AMD1: variants seen among roughly 807,000 people sequenced by gnomAD.
The protein encoded by AMD1 is adenosylmethionine decarboxylase 1.
A neutral mutation model predicts 40.2 loss-of-function variants in AMD1; 11 were observed. The observed-to-expected ratio is 0.27, with a 90% CI of 0.17 to 0.45. The LOEUF (loss-of-function observed/expected upper bound fraction) is 0.45. AMD1 is among the 20% of genes least tolerant of loss of function. The pLI, the probability that AMD1 is intolerant of heterozygous loss-of-function variation, is 1.00. For synonymous variants in AMD1, 121 were observed against 130.8 expected, an observed-to-expected ratio of 0.93 and a Z score of 0.51; for missense variants, 257 against 410.2, an observed-to-expected ratio of 0.63 and a Z score of 3.23.
chr6:110,879,297 C>G (rs908788677), intron 1 of AMD1, among the ~76,000 whole-genome samples: 1 of 152,130 alleles, frequency 6.6e-6, no homozygotes, highest in Non-Finnish European at 1.5e-5. Flanking sequence ...GAGGCTGCAG[C>G]GAAATGAGAT....
At chr6:110,857,114 A>T in the AMD1 span, among the ~76,000 whole-genome samples, 1 of 152,050 alleles carries the variant, frequency 6.6e-6, no homozygotes, top group Non-Finnish European at 1.5e-5. Flanking sequence ...CGGGGAGCAC[A>T]GATTGTTGCC....
At position 110,892,724 on chromosome 6, in the gene AMD1, T is replaced by TCCCC. The variant is rs34637914; in HGVS notation, c.616-6_616-3dup. ...AAACCCTTGTTAAACTCGGTCTTTT[T>TCCCC]CCCCCCCCAGGAGAGTGGAATTCGT... is the stretch of plus-strand genomic sequence containing the variant. On this transcript the variant is annotated splice_polypyrimidine_tract_variant and intron_variant, in intron 6 of 8. Transcript: ENST00000368885. 7 of 1,541,154 alleles carry TCCCC rather than the reference T, an allele frequency of 4.5e-6. No individual in the cohort carries two copies. The African/African-American group carries it at 9.6e-5, about 21-fold the overall frequency.
At chr6:110,875,437 A>T in intron 1 of AMD1, 1 of 514,912 alleles carries the variant, frequency 1.9e-6, no homozygotes, top group South Asian at 2.5e-5. Flanking sequence ...CGCGCCTGGC[A>T]TTGCCCTGGG....
the AMD1 span, among the ~76,000 whole-genome samples, chr6:110,841,457 C>T: frequency 3.3e-5 from 5 of 152,160 alleles, no homozygotes; most frequent in African/African-American, 1.2e-4. Context: ...TGTCCCAGCT[C>T]GCAGCCTATG....
chr6:110,883,558 A>C (rs976332472), intron 1 of AMD1, among the ~76,000 whole-genome samples: 8 of 152,202 alleles, frequency 5.3e-5, no homozygotes, highest in African/African-American at 1.4e-4. Flanking sequence ...AGTTAGGCAG[A>C]TGTCTAAAAC....
At chr6:110,825,329 T>C in the AMD1 span, among the ~76,000 whole-genome samples, 5 of 152,222 alleles carry the variant, frequency 3.3e-5, no homozygotes. Context: ...ATTGAAACCA[T>C]GGAAATCAAA....
chr6:110,858,954 T>C, the AMD1 span: 10 of 1,060,994 alleles, frequency 9.4e-6, no homozygotes, highest in Non-Finnish European at 1.5e-5. Context: ...GTGTGACAAC[T>C]CCTCCATGTC....
upstream of AMD1, among the ~76,000 whole-genome samples, chr6:110,872,912 A>G (rs1363442932): frequency 6.6e-6 from 1 of 152,250 alleles, no homozygotes; most frequent in Non-Finnish European, 1.5e-5. Flanking sequence ...GTGGTTTAGT[A>G]GGCAGATTCT....
At chr6:110,888,726 GTTACTTGCTTCCTTGAGA>G in intron 2 of AMD1, 113 bp from the exon 3 acceptor site, 2 of 848,954 alleles carry the variant, frequency 2.4e-6, no homozygotes, top group Non-Finnish European at 3.6e-6. Flanking sequence ...AGAATAATGT[GTTACTTGCTTCCTTGAGA>G]TCCTAATATT....
rs1049699 is a variant in AMD1 at position 110,890,311 on chromosome 6, C to T, written c.382C>T (p.Arg128Trp). 2.5e-6 allele frequency: 4 copies of T among 1,599,478 alleles called. No individual in the cohort carries two copies. Among genetic ancestry groups the T allele is most frequent in the Non-Finnish European group, 3.4e-6 (4 of 1,176,794 alleles). The change falls in exon 4 of 9, where the codon CGG becomes TGG. Residue 128 changes from arginine (R) to tryptophan (W), a missense_variant. Coordinates refer to ENST00000368885, the MANE Select transcript of AMD1 (RefSeq NM_001634.6). ...GCCTTCTCACCAAGGGTACCCACACCGGAATTTCCAGGAAGAAATAGAGTT... is the reference window on the plus strand; with the variant it reads ...GCCTTCTCACCAAGGGTACCCACACTGGAATTTCCAGGAAGAAATAGAGTT... ...MKPSHQGYPH[R>W]NFQEEIEFLN...
chr6:110,838,977 G>A, the AMD1 span, among the ~76,000 whole-genome samples: 2 of 152,172 alleles, frequency 1.3e-5, no homozygotes, highest in African/African-American at 4.8e-5. Flanking sequence ...ATGTCGGCCA[G>A]GCTGGTCTCA....
At chr6:110,889,671 C>T (rs1055469967) in intron 3 of AMD1, 5 of 152,306 alleles carry the variant, frequency 3.3e-5, no homozygotes, top group African/African-American at 7.2e-5. Context: ...GGTCTCTTAA[C>T]TCCTGACCTC....
rs1409242528 is a variant in AMD1 at position 110,892,770 on chromosome 6, C to T, written c.651C>T (p.Val217=). 1 of 1,613,208 alleles carries T rather than the reference C, an allele frequency of 6.2e-7. No individual in the cohort carries two copies. Among genetic ancestry groups the T allele is most frequent in the African/African-American group, 1.3e-5 (1 of 74,646 alleles). The change falls in exon 7 of 9, where the codon GTC becomes GTT. Residue 217 remains valine, a synonymous_variant. Transcript: ENST00000368885. ...TTCGTGACCTGATACCAGGTTCTGT[C>T]ATTGATGCCACAATGTTCAATCCTT... is the stretch of plus-strand genomic sequence containing the variant. The part of the protein sequence containing the change: ...SGIRDLIPGS[V]IDATMFNPCG...
the AMD1 span, among the ~76,000 whole-genome samples, chr6:110,864,895 A>G: frequency 6.6e-6 from 1 of 152,248 alleles, no homozygotes; most frequent in African/African-American, 2.4e-5. Flanking sequence ...ACAGGCTGGC[A>G]TTGTATGACT....
chr6:110,843,300 A>G, the AMD1 span, among the ~76,000 whole-genome samples: 1 of 151,392 alleles, frequency 6.6e-6, no homozygotes, highest in South Asian at 2.1e-4. Context: ...CACCTCTACT[A>G]AAAATACAAA....
At chr6:110,883,513 C>T (rs1785515568) in intron 1 of AMD1, among the ~76,000 whole-genome samples, 1 of 152,190 alleles carries the variant, frequency 6.6e-6, no homozygotes, top group South Asian at 2.1e-4. Context: ...TTCTATTCTG[C>T]CCCAATCCTC....
At chr6:110,892,276 A>G (rs534756870) in intron 5 of AMD1, 23 bp from the exon 6 acceptor site, 1 of 1,613,352 alleles carries the variant, frequency 6.2e-7, no homozygotes, top group South Asian at 1.1e-5. Flanking sequence ...CATTTTTAGG[A>G]ACTATTTTTA....
intron 1 of AMD1, among the ~76,000 whole-genome samples, chr6:110,876,393 G>T (rs935755121): frequency 2.0e-5 from 3 of 152,188 alleles, no homozygotes; most frequent in Non-Finnish European, 4.4e-5. Context: ...CTCCTGGGCC[G>T]CACTCAGAGC....
the AMD1 span, among the ~76,000 whole-genome samples, chr6:110,830,686 A>C: frequency 6.6e-6 from 1 of 152,122 alleles, no homozygotes; most frequent in Non-Finnish European, 1.5e-5. Context: ...GCTATACACT[A>C]CCGCTTCAGT....
Sources: gnomAD v4.1 joint callset for allele counts (sites outside exome capture counted in the v4.1 genomes callset) on GRCh38, gnomAD v4.1.1 for gene constraint, MANE v1.5 for transcripts, NCBI Gene and HGNC (gene_info 2026-07-23, HGNC 2026-07-21) for gene names.